Variants in POU6F2 observed in about 807,000 individuals in gnomAD.
The protein encoded by POU6F2 is POU domain, class 6, transcription factor 2.
In POU6F2, 31 loss-of-function variants were observed where a neutral mutation model predicts 71.3. That is an observed-to-expected ratio of 0.43 (90% CI 0.33 to 0.59). The LOEUF (loss-of-function observed/expected upper bound fraction) is 0.59, where lower values mean the gene tolerates loss of function less well. POU6F2 is among the 20% of genes least tolerant of loss of function. The pLI is 0.04. For synonymous variants in POU6F2, 347 were observed against 355.7 expected (o/e 0.98, Z 0.27); for missense variants, 783 against 856.8 (o/e 0.91, Z 1.07).
chr7:39,223,478 C>T (rs1794407211), intron 4 of POU6F2, among the ~76,000 whole-genome samples: 1 of 152,152 alleles, frequency 6.6e-6, no homozygotes, highest in Non-Finnish European at 1.5e-5. Flanking sequence ...CAGTTAAAGG[C>T]TACACTGGAC....
intron 4 of POU6F2, among the ~76,000 whole-genome samples, chr7:39,255,055 T>C (rs1783994991): frequency 6.6e-6 from 1 of 152,102 alleles, no homozygotes. Flanking sequence ...ATATATCCTT[T>C]ATATATATCC....
chr7:39,396,404 A>T (rs1787175204), intron 5 of POU6F2, among the ~76,000 whole-genome samples: 1 of 152,134 alleles, frequency 6.6e-6, no homozygotes, highest in East Asian at 1.9e-4. Flanking sequence ...CCCTCCCTCA[A>T]GTGCTCCCAA....
intron 2 of POU6F2, among the ~76,000 whole-genome samples, chr7:39,158,773 T>C (rs547250254): frequency 6.6e-6 from 1 of 152,170 alleles, no homozygotes; most frequent in African/African-American, 2.4e-5. Flanking sequence ...AGTTCGCTGA[T>C]TGAAATGCCG....
At chr7:39,096,360 T>C (rs963494587) in intron 2 of POU6F2, among the ~76,000 whole-genome samples, 5 of 152,144 alleles carry the variant, frequency 3.3e-5, no homozygotes, top group African/African-American at 1.2e-4. Flanking sequence ...TTTTCCTTTT[T>C]CTAACAATGA....
intron 2 of POU6F2, among the ~76,000 whole-genome samples, chr7:39,159,881 C>T (rs184583518): frequency 2.6e-5 from 4 of 152,082 alleles, no homozygotes; most frequent in Admixed American, 1.3e-4. Context: ...TACCTAAACC[C>T]GTCAGAAAGG....
At chr7:38,985,412 C>T (rs1180069125) in intron 1 of POU6F2, among the ~76,000 whole-genome samples, 4 of 151,738 alleles carry the variant, frequency 2.6e-5, no homozygotes, top group Admixed American at 6.6e-5. Context: ...GTCTTTGGGC[C>T]GAAACAATTT....
At chr7:39,331,956 T>TA (rs1173117753) in intron 4 of POU6F2, among the ~76,000 whole-genome samples, 2 of 152,366 alleles carry the variant, frequency 1.3e-5, no homozygotes, top group Non-Finnish European at 2.9e-5. Flanking sequence ...AGAAATTTCT[T>TA]ATTGCCCTTC....
chr7:39,232,927 A>C (rs1358475621), intron 4 of POU6F2, among the ~76,000 whole-genome samples: 2 of 152,230 alleles, frequency 1.3e-5, no homozygotes. Flanking sequence ...CTCTGTGTGT[A>C]ATATATTTCC....
At chr7:39,311,473 G>A (rs939662665) in intron 4 of POU6F2, among the ~76,000 whole-genome samples, 1 of 152,172 alleles carries the variant, frequency 6.6e-6, no homozygotes, top group Non-Finnish European at 1.5e-5. Flanking sequence ...CCGCTAGAAC[G>A]TAAGCTCCGC....
intron 4 of POU6F2, among the ~76,000 whole-genome samples, chr7:39,307,054 C>G (rs981532603): frequency 2.6e-5 from 4 of 152,164 alleles, no homozygotes; most frequent in African/African-American, 9.7e-5. Flanking sequence ...TTCAGATGTC[C>G]AAGAGACCCA....
chr7:38,980,138 AAT>A (rs1212534357), intron 1 of POU6F2, among the ~76,000 whole-genome samples: 1 of 152,178 alleles, frequency 6.6e-6, no homozygotes, highest in Non-Finnish European at 1.5e-5. Flanking sequence ...ACTTCTTATG[AAT>A]ACATTGTAAA....
At chr7:39,410,487 T>G (rs979883844) in intron 6 of POU6F2, among the ~76,000 whole-genome samples, 1 of 152,152 alleles carries the variant, frequency 6.6e-6, no homozygotes, top group Admixed American at 6.5e-5. Context: ...CTAGTTCTCT[T>G]TGTTTACTGG....
chr7:39,321,925 A>G lies in POU6F2; in HGVS notation c.599-17717A>G, dbSNP rs377553529. Among the ~76,000 whole-genome samples, 10 of 151,774 alleles carry G rather than the reference A, an allele frequency of 6.6e-5. No homozygotes were observed. The East Asian group carries it at 1.9e-3, about 29-fold the overall frequency. ...GAGAGACAGAGAGAGAGATAGAGAG[A>G]GAGAGAAAATGGGAGACTATTACAT... On this transcript the variant is annotated intron_variant, in intron 4 of 9. Coordinates refer to ENST00000518318, the MANE Select transcript of POU6F2 (RefSeq NM_001370959.1).
chr7:39,368,323 A>C (rs1786545181), intron 5 of POU6F2, among the ~76,000 whole-genome samples: 1 of 152,080 alleles, frequency 6.6e-6, no homozygotes, highest in South Asian at 2.1e-4. Flanking sequence ...CAGCCACAAC[A>C]CTCCCTTATG....
chr7:39,386,182 C>T (rs1000149652), intron 5 of POU6F2, among the ~76,000 whole-genome samples: 1 of 151,972 alleles, frequency 6.6e-6, no homozygotes, highest in Admixed American at 6.6e-5. Context: ...TCCAAAGCTT[C>T]CCCGTGGGGC....
At chr7:39,131,435 G>A (rs1417779664) in intron 2 of POU6F2, among the ~76,000 whole-genome samples, 1 of 152,202 alleles carries the variant, frequency 6.6e-6, no homozygotes, top group Non-Finnish European at 1.5e-5. Context: ...CACAAGGGCC[G>A]AGGACTTTGG....
At chr7:39,112,086 C>T (rs1791824966) in intron 2 of POU6F2, among the ~76,000 whole-genome samples, 2 of 152,160 alleles carry the variant, frequency 1.3e-5, no homozygotes, top group African/African-American at 2.4e-5. Flanking sequence ...TTCAGATGAC[C>T]TCTGTTCTTA....
intron 5 of POU6F2, among the ~76,000 whole-genome samples, chr7:39,371,991 C>T: frequency 6.6e-6 from 1 of 152,194 alleles, no homozygotes; most frequent in East Asian, 1.9e-4. Context: ...TCATGGCTCA[C>T]TTCAGCCTCC....
intron 2 of POU6F2, among the ~76,000 whole-genome samples, chr7:39,096,366 A>G (rs919313116): frequency 2.6e-5 from 4 of 152,156 alleles, no homozygotes; most frequent in African/African-American, 9.7e-5. Context: ...TTTTTCTAAC[A>G]ATGAGCCACC....
Sources: allele counts gnomAD v4.1 joint callset (sites outside exome capture counted in the v4.1 genomes callset), GRCh38; gene constraint gnomAD v4.1.1; transcripts MANE v1.5; gene names NCBI Gene and HGNC (gene_info 2026-07-23, HGNC 2026-07-21).